ROBO2: variants seen among roughly 807,000 people sequenced by gnomAD.
The protein encoded by ROBO2 is roundabout homolog 2.
Under a neutral mutation model 160.8 loss-of-function variants are expected in ROBO2, and 53 were observed. The ratio of observed to expected loss-of-function variants is 0.33; its 90% CI spans 0.26 to 0.41. The LOEUF (loss-of-function observed/expected upper bound fraction) is 0.41. ROBO2 is among the 10% of genes least tolerant of loss of function. The pLI, the probability that ROBO2 is intolerant of heterozygous loss-of-function variation, is 1.00. For synonymous variants in ROBO2, 664 were observed against 611.7 expected (o/e 1.09, Z -1.26); for missense variants, 1,577 against 1,722.4 (o/e 0.92, Z 1.49).
chr3:76,551,365 T>G (rs1254362200), intron 2 of ROBO2, among the ~76,000 whole-genome samples: 1 of 152,100 alleles, frequency 6.6e-6, no homozygotes, highest in African/African-American at 2.4e-5. Flanking sequence ...ACCTACCCAC[T>G]TCAGGTCTCC....
intron 2 of ROBO2, among the ~76,000 whole-genome samples, chr3:76,809,568 A>T (rs1267147698): frequency 6.6e-6 from 1 of 152,184 alleles, no homozygotes; most frequent in Non-Finnish European, 1.5e-5. Flanking sequence ...AGGAAGAGAC[A>T]GCACAAAGGT....
chr3:76,468,769 T>G (rs1202012355), intron 2 of ROBO2, among the ~76,000 whole-genome samples: 3 of 152,108 alleles, frequency 2.0e-5, no homozygotes, highest in Admixed American at 6.6e-5. Context: ...AGGTTAAACC[T>G]GTTCTATTTG....
intron 2 of ROBO2, among the ~76,000 whole-genome samples, chr3:76,238,342 C>T (rs1278809789): frequency 6.6e-6 from 1 of 152,092 alleles, no homozygotes; most frequent in Non-Finnish European, 1.5e-5. Context: ...CACGTGGTAG[C>T]AGGAGAGAGA....
chr3:76,851,504 G>C (rs2069344088), intron 2 of ROBO2, among the ~76,000 whole-genome samples: 1 of 151,720 alleles, frequency 6.6e-6, no homozygotes, highest in South Asian at 2.1e-4. Flanking sequence ...GGGAGGCCGA[G>C]GCGGGTGGAT....
At chr3:77,195,813 G>A (rs1236894084) in intron 2 of ROBO2, among the ~76,000 whole-genome samples, 1 of 152,238 alleles carries the variant, frequency 6.6e-6, no homozygotes, top group Non-Finnish European at 1.5e-5. Flanking sequence ...TTTCAGGTCC[G>A]TCTCCCCACC....
chr3:76,998,761 C>T (rs1456688566), intron 2 of ROBO2, among the ~76,000 whole-genome samples: 2 of 152,124 alleles, frequency 1.3e-5, no homozygotes, highest in Non-Finnish European at 2.9e-5. Flanking sequence ...TTGATGAAGC[C>T]TATGTGCTGG....
intron 2 of ROBO2, among the ~76,000 whole-genome samples, chr3:76,851,767 A>ATG (rs2069413576): frequency 7.0e-6 from 1 of 142,268 alleles, no homozygotes; most frequent in African/African-American, 2.7e-5. Flanking sequence ...AAAAAAAAAT[A>ATG]TTAACATGTG....
intron 2 of ROBO2, among the ~76,000 whole-genome samples, chr3:76,024,749 G>T (rs1267371062): frequency 6.6e-6 from 1 of 151,454 alleles, no homozygotes; most frequent in Non-Finnish European, 1.5e-5. Context: ...TGATAGCTCG[G>T]TTGGAAATGT....
At chr3:76,655,485 A>G (rs2091473678) in intron 2 of ROBO2, among the ~76,000 whole-genome samples, 1 of 61,586 alleles carries the variant, frequency 1.6e-5, no homozygotes, top group Admixed American at 2.3e-4. Flanking sequence ...AAAAGAAATG[A>G]CAGTGATAAC....
intron 2 of ROBO2, among the ~76,000 whole-genome samples, chr3:77,215,774 CTGTT>C (rs1261800143): frequency 6.6e-5 from 10 of 152,090 alleles, no homozygotes; most frequent in Non-Finnish European, 1.0e-4. Flanking sequence ...GATGTCCTTT[CTGTT>C]TGTTAGTTTT....
chr3:76,734,957 C>T (rs941585170), intron 2 of ROBO2, among the ~76,000 whole-genome samples: 1 of 152,168 alleles, frequency 6.6e-6, no homozygotes, highest in Non-Finnish European at 1.5e-5. Flanking sequence ...AAAAATTCCT[C>T]GCTAGAATGC....
chr3:76,444,773 T>G (rs964495951), intron 2 of ROBO2, among the ~76,000 whole-genome samples: 4 of 152,240 alleles, frequency 2.6e-5, no homozygotes, highest in Non-Finnish European at 5.9e-5. Flanking sequence ...AAGGTTTATC[T>G]GCATTTTTTC....
intron 2 of ROBO2, among the ~76,000 whole-genome samples, chr3:76,754,868 T>G (rs1298403240): frequency 6.6e-6 from 1 of 151,870 alleles, no homozygotes; most frequent in African/African-American, 2.4e-5. Context: ...ATTTAGGAAT[T>G]TTAAAATCTA....
intron 5 of ROBO2, among the ~76,000 whole-genome samples, chr3:77,497,407 C>G (rs1261578996): frequency 6.6e-6 from 1 of 152,090 alleles, no homozygotes; most frequent in Non-Finnish European, 1.5e-5. Context: ...GAAGAAGATG[C>G]ACTTTTGGGT....
At chr3:77,470,443 A>G (rs1413806254) in intron 2 of ROBO2, among the ~76,000 whole-genome samples, 1 of 152,184 alleles carries the variant, frequency 6.6e-6, no homozygotes, top group Admixed American at 6.5e-5. Flanking sequence ...CAGCATAATG[A>G]CTGTGTATAA....
intron 2 of ROBO2, among the ~76,000 whole-genome samples, chr3:77,400,302 A>G (rs2075674482): frequency 6.6e-6 from 1 of 152,178 alleles, no homozygotes; most frequent in Non-Finnish European, 1.5e-5. Context: ...GAGCTATTAA[A>G]ATGTTTCAAT....
intron 2 of ROBO2, among the ~76,000 whole-genome samples, chr3:76,983,060 C>A (rs2060179406): frequency 6.6e-6 from 1 of 151,906 alleles, no homozygotes; most frequent in Admixed American, 6.6e-5. Flanking sequence ...CCGAGGCGGG[C>A]AGATCACGAG....
At chr3:75,959,543 T>C (rs935373357) in intron 2 of ROBO2, among the ~76,000 whole-genome samples, 9 of 151,814 alleles carry the variant, frequency 5.9e-5, no homozygotes, top group Non-Finnish European at 1.3e-4. Context: ...CTTATAATTT[T>C]TGTTTGTAGA....
intron 2 of ROBO2, among the ~76,000 whole-genome samples, chr3:77,229,914 T>TA (rs921900733): frequency 6.6e-5 from 10 of 152,278 alleles, no homozygotes; most frequent in African/African-American, 2.2e-4. Flanking sequence ...AAAGGGATGG[T>TA]AAAAAAATAA....
Sources: allele counts gnomAD v4.1 joint callset (sites outside exome capture counted in the v4.1 genomes callset), GRCh38; gene constraint gnomAD v4.1.1; transcripts MANE v1.5; gene names NCBI Gene and HGNC (gene_info 2026-07-23, HGNC 2026-07-21).